The following CDC26 variants were observed in gnomAD, a reference collection of about 807,000 sequenced individuals.
The protein encoded by CDC26 is anaphase-promoting complex subunit CDC26.
In CDC26, 2 loss-of-function variants were observed where a neutral mutation model predicts 8.0. The observed-to-expected ratio is 0.25, with a 90% CI of 0.10 to 0.79. The LOEUF is 0.79. Among genes scored for constraint, CDC26 ranks in the 30% least tolerant of loss-of-function variants. The pLI, the probability that CDC26 is intolerant of heterozygous loss-of-function variation, is 0.70. For synonymous variants in CDC26, 19 were observed against 34.9 expected, an observed-to-expected ratio of 0.55 and a Z score of 1.60; for missense variants, 68 against 106.0, an observed-to-expected ratio of 0.64 and a Z score of 1.57.
Position 113,275,544 on chromosome 9 carries a change from C to T in CDC26, c.-314G>A, listed in dbSNP as rs1832054760. Reference sequence around the variant, plus strand: ...CCTGGAGGTTCTAGGAGGGATGCCCCTCAATGCCACGACGCCATTTCCTAC... The same window carrying T: ...CCTGGAGGTTCTAGGAGGGATGCCCTTCAATGCCACGACGCCATTTCCTAC... On this transcript the variant is annotated 5_prime_UTR_variant, in exon 1 of 4. Coordinates refer to ENST00000374206, the MANE Select transcript of CDC26 (RefSeq NM_139286.4). The T allele has an allele frequency of 3.6e-6, 2 of 553,222 alleles. No homozygotes were observed. The highest frequency in any genetic ancestry group is 1.9e-5 in the African/African-American group (1 of 51,360). 34.3% of individuals were successfully genotyped at this position (553,222 alleles called of 1,614,324 possible).
intron 1 of CDC26, among the ~76,000 whole-genome samples, 156 bp from the exon 2 acceptor site, chr9:113,273,594 A>G (rs1436389852): frequency 5.9e-5 from 9 of 152,144 alleles, no homozygotes; most frequent in Admixed American, 5.9e-4. Context: ...ATGATGTCTT[A>G]GTTGACTTCT....
intron 3 of CDC26, among the ~76,000 whole-genome samples, chr9:113,269,871 T>G (rs2118545148): frequency 6.6e-6 from 1 of 152,348 alleles, no homozygotes; most frequent in Non-Finnish European, 1.5e-5. Flanking sequence ...TTGGTGAATA[T>G]ATGCAAAACG....
intron 1 of CDC26, among the ~76,000 whole-genome samples, chr9:113,274,258 T>G (rs918462894): frequency 2.6e-5 from 4 of 152,072 alleles, no homozygotes. Flanking sequence ...ATGATGGAAG[T>G]GAAAACTCCT....
intron 3 of CDC26, among the ~76,000 whole-genome samples, chr9:113,269,974 G>T (rs775888947): frequency 8.5e-5 from 13 of 152,160 alleles, no homozygotes; most frequent in Non-Finnish European, 1.9e-4. Flanking sequence ...GGTATTGCAG[G>T]GAACAGATGC....
In CDC26 at chr9:113,272,476, A is replaced by G. The variant is rs140854363; in HGVS notation, c.32T>C (p.Leu11Pro). ...AAACTCTTCAATGTCATCAAGCTTT[A>G]GCTCTAGGCGTGTTGGTTTCCGTCT... MLRRKPTRLE[L>P]KLDDIEEFEN... The change falls in exon 3 of 4, where the codon CTA becomes CCA. Residue 11 changes from leucine (L) to proline (P), a missense_variant. Coordinates refer to ENST00000374206, the MANE Select transcript of CDC26 (RefSeq NM_139286.4). 1.2e-6 allele frequency: 2 copies of G among 1,613,358 alleles called. No individual in the cohort carries two copies. Among genetic ancestry groups the G allele is most frequent in the African/African-American group, 2.7e-5 (2 of 75,042 alleles).
At chr9:113,269,832 T>C (rs564611199) in intron 3 of CDC26, among the ~76,000 whole-genome samples, 3 of 152,336 alleles carry the variant, frequency 2.0e-5, no homozygotes, top group Non-Finnish European at 4.4e-5. Flanking sequence ...AGTCTTAATA[T>C]GAAGCATATA....
chr9:113,275,443 C>CT lies in CDC26; in HGVS notation c.-214dup, dbSNP rs1223935715. The CT allele has an allele frequency of 1.3e-5, 5 of 372,300 alleles. No homozygotes were observed. Among genetic ancestry groups the CT allele is most frequent in the Non-Finnish European group, 1.9e-5 (4 of 205,286 alleles). The allele number at this position is 372,300 out of a possible 1,614,324, so 23.1% of individuals were successfully genotyped here. A position where few individuals can be genotyped will look rare whatever the true frequency, so the allele number is the denominator to read the frequency against. ...CGGCTCCCCCCCAACGAAACTACTG[C>CT]TAAGCCAACTGGACTACACTTCCCA... is the stretch of plus-strand genomic sequence containing the variant. On this transcript the variant is annotated 5_prime_UTR_variant, in exon 1 of 4. Transcript: ENST00000374206.
At chr9:113,274,099 CTTATT>C (rs1832011451) in intron 1 of CDC26, among the ~76,000 whole-genome samples, 2 of 152,126 alleles carry the variant, frequency 1.3e-5, no homozygotes, top group African/African-American at 4.8e-5. Flanking sequence ...TCTTTACATT[CTTATT>C]TTAACACAAA....
At chr9:113,273,075 T>G (rs1249928218) in intron 2 of CDC26, among the ~76,000 whole-genome samples, 1 of 152,218 alleles carries the variant, frequency 6.6e-6, no homozygotes, top group Non-Finnish European at 1.5e-5. Context: ...AAAAACTCTT[T>G]CTGTAAGAAT....
rs146455612 is a variant in CDC26 at position 113,272,417 on chromosome 9, G to A, written c.81+10C>T. The stretch of plus-strand genomic sequence containing the variant: ...CTCCATCTCAAAAAAACACAAAGTT[G>A]TATTCATACCTCCAGGTCCTTTCGA... On this transcript the variant is annotated intron_variant, in intron 3 of 3. Transcript: ENST00000374206. 82 of 1,601,090 alleles carry A rather than the reference G, an allele frequency of 5.1e-5. No homozygotes were observed. In the East Asian group the frequency reaches 1.8e-3, roughly 35 times the overall value.
At chr9:113,274,753 C>G (rs1832029027) in intron 1 of CDC26, among the ~76,000 whole-genome samples, 1 of 152,126 alleles carries the variant, frequency 6.6e-6, no homozygotes. Context: ...AAGTCAATAA[C>G]GTAATACAGA....
At chr9:113,275,019 A>G (rs1832035736) in intron 1 of CDC26, among the ~76,000 whole-genome samples, 4 of 152,146 alleles carry the variant, frequency 2.6e-5, no homozygotes, top group Admixed American at 2.6e-4. Flanking sequence ...TCAATCTGAT[A>G]CAAAGACCAG....
At position 113,272,461 on chromosome 9, in the gene CDC26, A is replaced by G. The variant is rs757496266; in HGVS notation, c.47T>C (p.Ile16Thr). 54 of 1,613,140 alleles carry G rather than the reference A, an allele frequency of 3.3e-5. No individual in the cohort carries two copies. Among genetic ancestry groups the G allele is most frequent in the Non-Finnish European group, 4.1e-5 (48 of 1,179,834 alleles). ...PTRLELKLDD[I>T]EEFENIRKDL... ...CTTTCGAATGTTCTCAAACTCTTCAATGTCATCAAGCTTTAGCTCTAGGCG... is the reference window on the plus strand; with the variant it reads ...CTTTCGAATGTTCTCAAACTCTTCAGTGTCATCAAGCTTTAGCTCTAGGCG... The change falls in exon 3 of 4, where the codon ATT becomes ACT. Residue 16 changes from isoleucine (I) to threonine (T), a missense_variant. Physicochemically the swap from Ile to Thr is moderately conservative, Grantham distance 89 (BLOSUM62 -1). Coordinates refer to ENST00000374206, the MANE Select transcript of CDC26 (RefSeq NM_139286.4).
At chr9:113,267,482 A>G (rs1294637247) in intron 3 of CDC26, 43 bp from the exon 4 acceptor site, 1 of 1,571,624 alleles carries the variant, frequency 6.4e-7, no homozygotes, top group Non-Finnish European at 8.6e-7. Flanking sequence ...CATTCTTTCA[A>G]TTAGCAAATG....
At chr9:113,271,703 C>A (rs1588002673) in intron 3 of CDC26, among the ~76,000 whole-genome samples, 1 of 152,320 alleles carries the variant, frequency 6.6e-6, no homozygotes, top group South Asian at 2.1e-4. Context: ...GTTTGTGGTA[C>A]TTTGTTACAG....
chr9:113,271,393 T>G (rs546007552), intron 3 of CDC26, among the ~76,000 whole-genome samples: 24 of 152,152 alleles, frequency 1.6e-4, no homozygotes, highest in Non-Finnish European at 2.6e-4. Flanking sequence ...GGGGGGATTA[T>G]CCTGGGTTAG....
At chr9:113,272,158 G>T (rs936895824) in intron 3 of CDC26, among the ~76,000 whole-genome samples, 3 of 152,056 alleles carry the variant, frequency 2.0e-5, no homozygotes, top group African/African-American at 7.2e-5. Flanking sequence ...TGGCTCACGC[G>T]TGTAATCCCA....
At chr9:113,274,270 G>C (rs1832016106) in intron 1 of CDC26, among the ~76,000 whole-genome samples, 1 of 152,060 alleles carries the variant, frequency 6.6e-6, no homozygotes, top group South Asian at 2.1e-4. Context: ...AAAACTCCTT[G>C]AAAGTATGTA....
intron 1 of CDC26, among the ~76,000 whole-genome samples, chr9:113,273,845 A>AAAAAAAG (rs1186886459): frequency 2.8e-4 from 40 of 143,564 alleles, no homozygotes; most frequent in African/African-American, 9.6e-4. Context: ...AAAAAAAAAA[A>AAAAAAAG]AGGCTCAAGA....
Sources: gnomAD v4.1 joint callset for allele counts (sites outside exome capture counted in the v4.1 genomes callset) on GRCh38, gnomAD v4.1.1 for gene constraint, MANE v1.5 for transcripts, NCBI Gene and HGNC (gene_info 2026-07-23, HGNC 2026-07-21) for gene names.